The following TEAD1 variants were observed in gnomAD, a reference collection of about 807,000 sequenced individuals.
TEAD1 encodes the protein TEA domain transcription factor 1, also known as transcriptional enhancer factor TEF-1.
TEAD1 carries 9 observed loss-of-function variants against 54.9 expected under a neutral mutation model. That is an observed-to-expected ratio of 0.16 (90% confidence interval 0.10 to 0.29). The LOEUF is 0.29. Ranked by LOEUF, TEAD1 falls within the 10% of genes least tolerant of loss-of-function variation. The pLI, the probability that TEAD1 is intolerant of heterozygous loss-of-function variation, is 1.00. For missense variants in TEAD1, 387 were observed against 535.9 expected (o/e 0.72, Z 2.74); for synonymous variants, 200 against 187.8 (o/e 1.07, Z -0.53).
At chr11:12,906,511 T>C (rs1383508885) in intron 10 of TEAD1, among the ~76,000 whole-genome samples, 10 of 148,060 alleles carry the variant, frequency 6.8e-5, no homozygotes, top group Admixed American at 2.7e-4. Context: ...CACTGCACTC[T>C]AGCCTGGGCG....
chr11:12,907,351 G>A (rs575473984), intron 10 of TEAD1, among the ~76,000 whole-genome samples: 46 of 152,348 alleles, frequency 3.0e-4, no homozygotes, highest in Non-Finnish European at 7.3e-5. Flanking sequence ...AGTTGTGACA[G>A]CAGTAGGGAG....
chr11:12,875,709 G>A (rs1451248808), intron 5 of TEAD1, among the ~76,000 whole-genome samples: 1 of 152,184 alleles, frequency 6.6e-6, no homozygotes, highest in Non-Finnish European at 1.5e-5. Flanking sequence ...GGTAGGTCAA[G>A]TGCAGAAAGA....
chr11:12,850,798 T>C (rs1161020185), intron 3 of TEAD1, among the ~76,000 whole-genome samples: 1 of 152,236 alleles, frequency 6.6e-6, no homozygotes, highest in Admixed American at 6.5e-5. Flanking sequence ...ACCTTTTCAT[T>C]AATAAGACTT....
intron 3 of TEAD1, among the ~76,000 whole-genome samples, chr11:12,828,676 T>G (rs935105590): frequency 7.1e-5 from 4 of 56,670 alleles, no homozygotes; most frequent in Middle Eastern, 0.014. Flanking sequence ...TTTAACTGAG[T>G]GATTTTTTTT....
At chr11:12,788,585 T>TATA (rs1252811539) in intron 3 of TEAD1, among the ~76,000 whole-genome samples, 1 of 152,152 alleles carries the variant, frequency 6.6e-6, no homozygotes, top group Admixed American at 6.5e-5. Flanking sequence ...TTTAAAAAAG[T>TATA]ATAATGTACA....
At chr11:12,810,942 T>C (rs1250988481) in intron 3 of TEAD1, among the ~76,000 whole-genome samples, 1 of 152,204 alleles carries the variant, frequency 6.6e-6, no homozygotes, top group Admixed American at 6.5e-5. Flanking sequence ...GGCCAGAAGC[T>C]ACTTGAATGC....
intron 9 of TEAD1, among the ~76,000 whole-genome samples, chr11:12,888,168 C>T (rs775662908): frequency 6.6e-6 from 1 of 152,166 alleles, no homozygotes; most frequent in Non-Finnish European, 1.5e-5. Flanking sequence ...TTACAGTAGC[C>T]AGCTTTGCAC....
chr11:12,831,625 A>G (rs1946784252), intron 3 of TEAD1, among the ~76,000 whole-genome samples: 1 of 152,108 alleles, frequency 6.6e-6, no homozygotes, highest in Non-Finnish European at 1.5e-5. Context: ...AAACAATTTT[A>G]AAAATTAGCC....
At chr11:12,916,716 T>C (rs151272004) in intron 10 of TEAD1, among the ~76,000 whole-genome samples, 99 of 152,334 alleles carry the variant, frequency 6.5e-4, no homozygotes, top group Non-Finnish European at 1.2e-3. Context: ...AGATGACAAA[T>C]GAGAAGCAGC....
intron 2 of TEAD1, among the ~76,000 whole-genome samples, chr11:12,723,862 C>T (rs1162272380): frequency 6.6e-6 from 1 of 152,172 alleles, no homozygotes; most frequent in African/African-American, 2.4e-5. Context: ...GTAATCTTGG[C>T]TTGTGGTGCA....
At chr11:12,802,073 T>C (rs916016068) in intron 3 of TEAD1, among the ~76,000 whole-genome samples, 4 of 152,226 alleles carry the variant, frequency 2.6e-5, no homozygotes, top group African/African-American at 9.6e-5. Context: ...CATTTCACAC[T>C]TGAGTTTAAG....
At chr11:12,714,087 A>G (rs188535682) in intron 2 of TEAD1, among the ~76,000 whole-genome samples, 154 of 152,236 alleles carry the variant, frequency 1.0e-3, no homozygotes, top group African/African-American at 3.5e-3. Context: ...TCTGCCTTCA[A>G]GAAAGGTGGG....
chr11:12,842,979 C>T (rs1250855178), intron 3 of TEAD1, among the ~76,000 whole-genome samples: 1 of 152,154 alleles, frequency 6.6e-6, no homozygotes, highest in African/African-American at 2.4e-5. Flanking sequence ...GTTCTAATTT[C>T]ACTAAACTAA....
intron 2 of TEAD1, among the ~76,000 whole-genome samples, chr11:12,689,199 C>G (rs2133821462): frequency 6.6e-6 from 1 of 152,282 alleles, no homozygotes; most frequent in Admixed American, 6.5e-5. Context: ...CTCAGAGACT[C>G]TACCCTGCAG....
chr11:12,720,683 A>G (rs1286886302), intron 2 of TEAD1, among the ~76,000 whole-genome samples: 1 of 152,320 alleles, frequency 6.6e-6, no homozygotes, highest in East Asian at 1.9e-4. Flanking sequence ...AAGGTGCCCA[A>G]TAATTGTAAC....
chr11:12,917,584 C>T (rs189412754), intron 10 of TEAD1, among the ~76,000 whole-genome samples: 5 of 152,250 alleles, frequency 3.3e-5, no homozygotes, highest in African/African-American at 4.8e-5. Flanking sequence ...TCTCAAACTC[C>T]TGGGCGTAAG....
chr11:12,727,150 G>T (rs1329197814), intron 2 of TEAD1, among the ~76,000 whole-genome samples: 1 of 152,218 alleles, frequency 6.6e-6, no homozygotes, highest in Non-Finnish European at 1.5e-5. Flanking sequence ...TGAGGCAGGA[G>T]AATTGCTTGA....
chr11:12,903,143 C>T (rs1413371171), intron 10 of TEAD1, among the ~76,000 whole-genome samples: 2 of 152,118 alleles, frequency 1.3e-5, no homozygotes, highest in African/African-American at 4.8e-5. Context: ...TTTCATCCTC[C>T]ACGTTTTAGG....
At chr11:12,856,420 G>A (rs966292573) in intron 3 of TEAD1, among the ~76,000 whole-genome samples, 1 of 152,130 alleles carries the variant, frequency 6.6e-6, no homozygotes, top group Non-Finnish European at 1.5e-5. Flanking sequence ...GAAAGGGGAG[G>A]CCTCCACCAG....
Sources: gnomAD v4.1 joint callset for allele counts (sites outside exome capture counted in the v4.1 genomes callset) on GRCh38, gnomAD v4.1.1 for gene constraint, MANE v1.5 for transcripts, NCBI Gene and HGNC (gene_info 2026-07-23, HGNC 2026-07-21) for gene names.